Variants in THADA observed in about 807,000 individuals in gnomAD.
The protein encoded by THADA is tRNA (32-2'-O)-methyltransferase regulator THADA.
In THADA, 213 loss-of-function variants were observed where a neutral mutation model predicts 219.8. That is an observed-to-expected ratio of 0.97 (90% confidence interval 0.87 to 1.09). The LOEUF is 1.09. THADA is among the 50% of genes least tolerant of loss of function. The pLI is 0.00. For missense variants in THADA, 2,956 were observed against 2,311.3 expected, an observed-to-expected ratio of 1.28 and a Z score of -5.72; for synonymous variants, 1,018 against 828.9, an observed-to-expected ratio of 1.23 and a Z score of -3.92.
At chr2:43,484,335 A>T (rs537278976) in intron 26 of THADA, 2 of 169,102 alleles carry the variant, frequency 1.2e-5, no homozygotes, top group South Asian at 2.0e-4. Flanking sequence ...ATGCATTTCA[A>T]TAAACATTAG....
intron 8 of THADA, among the ~76,000 whole-genome samples, chr2:43,579,459 T>C (rs58159954): frequency 2.6e-5 from 4 of 152,330 alleles, no homozygotes; most frequent in African/African-American, 9.6e-5. Context: ...TCTAATACCA[T>C]GGTGAGTTGT....
intron 29 of THADA, among the ~76,000 whole-genome samples, chr2:43,353,822 A>ATTTTTTTTTTTT (rs564117010): frequency 1.4e-5 from 2 of 139,080 alleles, no homozygotes; most frequent in Non-Finnish European, 1.5e-5. Flanking sequence ...AGCTCAGCTA[A>ATTTTTTTTTTTT]TTTTTTTTTT....
chr2:43,435,413 T>G (rs182580104), intron 26 of THADA, among the ~76,000 whole-genome samples: 1 of 144,818 alleles, frequency 6.9e-6, no homozygotes, highest in East Asian at 2.1e-4. Context: ...GAGCCAAGAC[T>G]GCACCATTGC....
intron 26 of THADA, among the ~76,000 whole-genome samples, chr2:43,473,534 A>G (rs964813589): frequency 6.6e-6 from 1 of 152,144 alleles, no homozygotes; most frequent in African/African-American, 2.4e-5. Flanking sequence ...ACAATAAAAG[A>G]TATATTATAG....
intron 25 of THADA, among the ~76,000 whole-genome samples, chr2:43,494,851 A>T (rs1688072681): frequency 6.6e-6 from 1 of 152,216 alleles, no homozygotes; most frequent in African/African-American, 2.4e-5. Flanking sequence ...AGAGATCTGT[A>T]TGGTTTCAAT....
intron 28 of THADA, among the ~76,000 whole-genome samples, chr2:43,402,361 G>C (rs1441003155): frequency 6.6e-6 from 1 of 152,160 alleles, no homozygotes; most frequent in African/African-American, 2.4e-5. Context: ...ACAGATGAAG[G>C]ATCTTCAAAT....
At chr2:43,495,446 T>C (rs1400820306) in intron 25 of THADA, among the ~76,000 whole-genome samples, 2 of 152,174 alleles carry the variant, frequency 1.3e-5, no homozygotes, top group South Asian at 2.1e-4. Flanking sequence ...TGCATACATG[T>C]ACTATGCACA....
At position 43,535,168 on chromosome 2, in the gene THADA, C is replaced by CTT. The variant is rs549879408; in HGVS notation, c.3264+5989_3264+5990dup. ...GAAATGTCTGTTCAGATCATTTGTC[C>CTT]TTTTTTTTTTTTTTTTTTTTTTTTT... On this transcript the variant is annotated intron_variant, in intron 21 of 37. Transcript: ENST00000405975. 2.3e-3 allele frequency among the ~76,000 whole-genome samples: 120 copies of CTT among 52,538 alleles called. 3 individuals carry two copies. The highest frequency in any genetic ancestry group is 5.9e-3 in the African/African-American group (66 of 11,210). 34.5% of individuals were successfully genotyped at this position (52,538 alleles called of 152,430 possible).
At chr2:43,375,922 T>C (rs964249811) in intron 29 of THADA, among the ~76,000 whole-genome samples, 10 of 152,150 alleles carry the variant, frequency 6.6e-5, no homozygotes, top group Non-Finnish European at 1.3e-4. Context: ...CAAGAGAATT[T>C]CGTGAAATCA....
chr2:43,578,709 C>T, intron 8 of THADA, 102 bp from the exon 9 acceptor site: 1 of 650,018 alleles, frequency 1.5e-6, no homozygotes, highest in Non-Finnish European at 2.5e-6. Context: ...GGTACAATTT[C>T]TAGTCTGACC....
chr2:43,318,458 T>C (rs1429529533), intron 31 of THADA, among the ~76,000 whole-genome samples: 3 of 152,192 alleles, frequency 2.0e-5, no homozygotes. Context: ...TAATACAAAA[T>C]TATTGAGGAA....
chr2:43,434,242 G>A (rs530327616), intron 26 of THADA, among the ~76,000 whole-genome samples: 5 of 152,300 alleles, frequency 3.3e-5, no homozygotes, highest in East Asian at 1.9e-4. Context: ...ACAGAGAAAC[G>A]TAGTGTGGTA....
chr2:43,467,096 G>A (rs1457245554), intron 26 of THADA, among the ~76,000 whole-genome samples: 1 of 148,236 alleles, frequency 6.7e-6, no homozygotes, highest in African/African-American at 2.5e-5. Context: ...GCAGGAGAAT[G>A]GCGTGAACCC....
At chr2:43,289,161 G>A (rs2104354057) in intron 34 of THADA, among the ~76,000 whole-genome samples, 1 of 152,232 alleles carries the variant, frequency 6.6e-6, no homozygotes, top group African/African-American at 2.4e-5. Flanking sequence ...TCAATTTTGT[G>A]GCCAAATAAT....
intron 26 of THADA, 85 bp from the exon 27 acceptor site, chr2:43,430,387 A>G (rs1460046703): frequency 1.4e-6 from 1 of 696,122 alleles, no homozygotes; most frequent in African/African-American, 1.8e-5. Flanking sequence ...AAGGAAGATA[A>G]GTACGGTTGT....
chr2:43,316,629 G>A (rs1294874312), intron 31 of THADA, among the ~76,000 whole-genome samples: 1 of 152,102 alleles, frequency 6.6e-6, no homozygotes, highest in Non-Finnish European at 1.5e-5. Flanking sequence ...AGCTTCCAGC[G>A]AATAATAATG....
At chr2:43,483,801 CA>C (rs574763804) in intron 26 of THADA, among the ~76,000 whole-genome samples, 18 of 150,146 alleles carry the variant, frequency 1.2e-4, no homozygotes, top group Middle Eastern at 3.4e-3. Flanking sequence ...TCATAAAAAA[CA>C]AAAAAAAATT....
chr2:43,338,843 T>C (rs1370487861), intron 30 of THADA, among the ~76,000 whole-genome samples: 3 of 152,230 alleles, frequency 2.0e-5, no homozygotes, highest in African/African-American at 7.2e-5. Flanking sequence ...GACCCCACTC[T>C]CAAGTCTGTT....
chr2:43,576,914 TG>T, intron 10 of THADA, 107 bp downstream of exon 10: 2 of 951,368 alleles, frequency 2.1e-6, no homozygotes, highest in East Asian at 2.6e-5. Flanking sequence ...CTCAGCCTAC[TG>T]GGAGGGTAGC....
Sources: gnomAD v4.1 joint callset for allele counts (sites outside exome capture counted in the v4.1 genomes callset) on GRCh38, gnomAD v4.1.1 for gene constraint, MANE v1.5 for transcripts, NCBI Gene and HGNC (gene_info 2026-07-23, HGNC 2026-07-21) for gene names.